Variants in GTF3C1 observed in about 807,000 individuals in gnomAD.
GTF3C1 encodes general transcription factor IIIC subunit 1.
GTF3C1 carries 57 observed loss-of-function variants against 226.7 expected under a neutral mutation model. That is an observed-to-expected ratio of 0.25 (90% CI 0.20 to 0.31). GTF3C1 has a LOEUF of 0.31. GTF3C1 is among the 10% of genes least tolerant of loss of function. The pLI is 1.00. For synonymous variants in GTF3C1, 1,090 were observed against 1,084.8 expected (o/e 1.00, Z -0.09); for missense variants, 2,217 against 2,776.1 (o/e 0.80, Z 4.53).
chr16:27,465,882 C>T (rs1268847950), intron 32 of GTF3C1: 2 of 306,274 alleles, frequency 6.5e-6, no homozygotes, highest in African/African-American at 4.2e-5. Flanking sequence ...GAGTCCCTGA[C>T]CAGGGCTGGC....
chr16:27,503,268 A>G, intron 10 of GTF3C1, among the ~76,000 whole-genome samples: 1 of 152,074 alleles, frequency 6.6e-6, no homozygotes, highest in South Asian at 2.1e-4. Context: ...TACTCCAGCA[A>G]CTCCTGAAAA....
Position 27,470,045 on chromosome 16 carries a change from G to A in GTF3C1, c.4814+63C>T, listed in dbSNP as rs113386918. On this transcript the variant is annotated intron_variant, in intron 31 of 36. Transcript: ENST00000356183. This position sits in a 1 kb window ranked among gnomAD's most constrained non-coding sequence, Gnocchi z 4.9. ...CAGAAGGCACTGCTGACCCCTGCCC[G>A]TCTGTATCTGGCCAATGCCTAGCAC... The A allele has an allele frequency of 1.4e-4, 185 of 1,358,500 alleles. 2 individuals are homozygous for A. The highest frequency in any genetic ancestry group is 1.3e-3 in the South Asian group (99 of 76,086). 84.2% of individuals were successfully genotyped at this position (1,358,500 alleles called of 1,614,324 possible).
intron 14 of GTF3C1, among the ~76,000 whole-genome samples, chr16:27,496,563 AC>A (rs993773731): frequency 2.0e-5 from 3 of 151,904 alleles, no homozygotes; most frequent in African/African-American, 7.3e-5. Context: ...TAGGCACCAC[AC>A]CCAGCTAATT....
At chr16:27,478,176 AAAAAAAAAAGG>A (rs2087982059) in intron 28 of GTF3C1, among the ~76,000 whole-genome samples, 1 of 149,146 alleles carries the variant, frequency 6.7e-6, no homozygotes, top group Non-Finnish European at 1.5e-5. Context: ...ATCTCAAAAG[AAAAAAAAAAGG>A]AAAGAAAAAA....
intron 12 of GTF3C1, among the ~76,000 whole-genome samples, chr16:27,500,779 G>A (rs927872156): frequency 1.3e-5 from 2 of 152,262 alleles, no homozygotes; most frequent in East Asian, 3.8e-4. Context: ...TAACCCGGCA[G>A]CGCATCCTCA....
intron 5 of GTF3C1, among the ~76,000 whole-genome samples, chr16:27,531,678 G>C (rs1337291946): frequency 6.6e-6 from 1 of 152,214 alleles, no homozygotes; most frequent in Non-Finnish European, 1.5e-5. Context: ...GTCAAGGCTT[G>C]CTGCTAACAC....
intron 26 of GTF3C1, chr16:27,482,586 C>T (rs2088071588): frequency 2.2e-6 from 1 of 456,188 alleles, no homozygotes; most frequent in East Asian, 6.9e-5. Context: ...GCCACACACA[C>T]TGTAGTGTCC....
intron 7 of GTF3C1, among the ~76,000 whole-genome samples, 181 bp from the exon 8 acceptor site, chr16:27,508,836 A>C (rs960882241): frequency 1.8e-4 from 28 of 152,186 alleles, no homozygotes; most frequent in Admixed American, 1.8e-3. Context: ...CCTCTGAGTA[A>C]TATACTATAC....
rs2141374001 is a variant in GTF3C1, at chr16:27,488,363, A to C, written c.3564T>G (p.Cys1188Trp). Residue 1188 changes from cysteine to tryptophan, a missense_variant, in exon 23 of 37, where the codon TGT becomes TGG. By Grantham distance (215) the Cys-to-Trp change is radical (BLOSUM62 -2). Coordinates refer to ENST00000356183, the MANE Select transcript of GTF3C1 (RefSeq NM_001520.4). ...CCTCAAACTGCTCTTCCCAGCCAGC[A>C]CAGAGCTCGGAGCCTACTCTTGCTT... ...WGEARVGSEL[C>W]AGWEEQFEVD... The C allele has an allele frequency of 6.2e-7, 1 of 1,613,816 alleles. No homozygotes were observed. The highest frequency in any genetic ancestry group is 8.5e-7 in the Non-Finnish European group (1 of 1,179,688).
Position 27,549,905 on chromosome 16 carries a change from G to A in GTF3C1, c.-15C>T. ...AGCGCGTCCATTGCTACTTCAGTCGGCGGCGCCCGGGGCGCATGCGCAACG... is the reference window on the plus strand; with the variant it reads ...AGCGCGTCCATTGCTACTTCAGTCGACGGCGCCCGGGGCGCATGCGCAACG... On this transcript the variant is annotated 5_prime_UTR_variant, in exon 1 of 37. Transcript: ENST00000356183. 6.2e-7 allele frequency: 1 copy of A among 1,601,692 alleles called. No individual in the cohort carries two copies. The highest frequency in any genetic ancestry group is 1.1e-5 in the South Asian group (1 of 90,728).
In GTF3C1 at chr16:27,474,930, G is replaced by A. The variant is rs150563105; in HGVS notation, c.4353+1521C>T. ...CAGGAGGCACAGAGAACCTCCAGGT[G>A]GTGATTAAAACAGGAGAAATCAAAT... On this transcript the variant is annotated intron_variant, in intron 29 of 36. Transcript: ENST00000356183. Among the ~76,000 whole-genome samples, 1,279 of 152,360 alleles carry A rather than the reference G, an allele frequency of 8.4e-3. 16 individuals carry two copies. The highest frequency in any genetic ancestry group is 0.028 in the African/African-American group (1,167 of 41,580).
intron 6 of GTF3C1, among the ~76,000 whole-genome samples, chr16:27,518,302 C>T (rs1223316201): frequency 6.6e-6 from 1 of 152,174 alleles, no homozygotes; most frequent in Non-Finnish European, 1.5e-5. Flanking sequence ...AATGGTGGTA[C>T]AGGTTATATT....
At chr16:27,541,498 G>C (rs981146915) in intron 2 of GTF3C1, among the ~76,000 whole-genome samples, 10 of 152,214 alleles carry the variant, frequency 6.6e-5, no homozygotes, top group Admixed American at 2.0e-4. Context: ...AAGAAGGATA[G>C]AGTCCCTGCC....
At chr16:27,480,580 T>A (rs960463088) in intron 27 of GTF3C1, 1 of 156,238 alleles carries the variant, frequency 6.4e-6, no homozygotes, top group Non-Finnish European at 1.4e-5. Context: ...GAGGGACTTT[T>A]TGGGTGAGGA....
chr16:27,502,202 A>G (rs1882592128), intron 11 of GTF3C1, among the ~76,000 whole-genome samples: 1 of 152,148 alleles, frequency 6.6e-6, no homozygotes, highest in South Asian at 2.1e-4. Context: ...GTGTGTGCAG[A>G]TGGTCCCTAC....
At chr16:27,509,095 C>T (rs2088532077) in intron 7 of GTF3C1, among the ~76,000 whole-genome samples, 1 of 152,122 alleles carries the variant, frequency 6.6e-6, no homozygotes. Context: ...CTTCATTTCC[C>T]AGTATTTCTT....
intron 2 of GTF3C1, among the ~76,000 whole-genome samples, chr16:27,543,004 T>C (rs1005415137): frequency 6.6e-6 from 1 of 152,186 alleles, no homozygotes; most frequent in African/African-American, 2.4e-5. Context: ...ATGACCACAC[T>C]GGTATGCACA....
intron 9 of GTF3C1, 69 bp from the exon 10 acceptor site, chr16:27,506,185 GACCAGACCCAC>G: frequency 1.2e-6 from 1 of 851,152 alleles, no homozygotes. Flanking sequence ...TTGGCAATCA[GACCAGACCCAC>G]ACAGGCCAAA....
chr16:27,548,631 G>A (rs964968058), intron 1 of GTF3C1, among the ~76,000 whole-genome samples: 1 of 152,138 alleles, frequency 6.6e-6, no homozygotes, highest in African/African-American at 2.4e-5. Context: ...GAGCACAGAC[G>A]CTGAAAATAG....
Sources: gnomAD v4.1 joint callset for allele counts (sites outside exome capture counted in the v4.1 genomes callset) on GRCh38, gnomAD v4.1.1 for gene constraint, Gnocchi (gnomAD v3.1) non-coding constraint, MANE v1.5 for transcripts, NCBI Gene and HGNC (gene_info 2026-07-23, HGNC 2026-07-21) for gene names.